ANK3: variants seen among roughly 807,000 people sequenced by gnomAD.
The protein encoded by ANK3 is ankyrin 3, also known as ankyrin-3.
In ANK3, 57 loss-of-function variants were observed where a neutral mutation model predicts 370.9. That is an observed-to-expected ratio of 0.15 (90% CI 0.12 to 0.19). The LOEUF is 0.19. ANK3 is among the 10% of genes least tolerant of loss of function. The probability of loss-of-function intolerance (pLI) is 1.00; values close to 1 mark genes in which losing one functional copy is unlikely to be tolerated. For synonymous variants in ANK3, 1,929 were observed against 1,946.3 expected (o/e 0.99, Z 0.23); for missense variants, 4,439 against 5,302.1 (o/e 0.84, Z 5.06).
intron 11 of ANK3, among the ~76,000 whole-genome samples, chr10:60,204,296 G>C (rs942140775): frequency 6.6e-6 from 1 of 152,152 alleles, no homozygotes; most frequent in Non-Finnish European, 1.5e-5. Flanking sequence ...AGCTCTTAGG[G>C]AACAGAGAGC....
intron 1 of ANK3, among the ~76,000 whole-genome samples, chr10:60,307,264 A>G (rs1339879543): frequency 6.6e-6 from 1 of 152,168 alleles, no homozygotes; most frequent in Non-Finnish European, 1.5e-5. Context: ...CTTTTCAGAG[A>G]AAGTTTTCTG....
Position 60,082,418 on chromosome 10 carries a change from A to C in ANK3, c.4323+197T>G. ...GCTACCAGCAGAAGCAAAAGCGATAAACAGAGAAGACTCCATCATACAAAC... is the reference window on the plus strand; with the variant it reads ...GCTACCAGCAGAAGCAAAAGCGATACACAGAGAAGACTCCATCATACAAAC... On this transcript the variant is annotated intron_variant, in intron 34 of 43. Transcript: ENST00000280772. The C allele has an allele frequency of 3.9e-6, 3 of 776,546 alleles. No individual in the cohort carries two copies. The Middle Eastern group carries it at 7.8e-4, about 201-fold the overall frequency. The allele number at this position is 776,546 out of a possible 1,614,324, so 48.1% of individuals were successfully genotyped here. A position where few individuals can be genotyped will look rare whatever the true frequency, so the allele number is the denominator to read the frequency against.
rs150577592 is a variant in ANK3 at position 60,321,935 on chromosome 10, G to A, written c.115-42296C>T. On this transcript the variant is annotated intron_variant, in intron 1 of 43. Transcript: ENST00000280772. ...TCTGAGCACACAGAACTCTTGCGGT[G>A]GGGGGTGCGAGCTGGCAGAATCCAT... 4.4e-4 allele frequency among the ~76,000 whole-genome samples: 67 copies of A among 152,198 alleles called. 1 individual carries two copies. The South Asian group carries it at 7.7e-3, about 17-fold the overall frequency.
chr10:60,168,941 A>G (rs1020696306), intron 21 of ANK3, among the ~76,000 whole-genome samples: 2 of 152,218 alleles, frequency 1.3e-5, no homozygotes, highest in Non-Finnish European at 2.9e-5. Flanking sequence ...TATCCAGTCT[A>G]TCATTGATGG....
chr10:60,491,747 T>C (rs962655581), intron 2 of ANK3, among the ~76,000 whole-genome samples: 2 of 152,210 alleles, frequency 1.3e-5, no homozygotes, highest in African/African-American at 2.4e-5. Context: ...TTAAGAGTAC[T>C]GATCTAGGAG....
At chr10:60,665,219 T>G (rs1474530180) in intron 1 of ANK3, among the ~76,000 whole-genome samples, 1 of 152,192 alleles carries the variant, frequency 6.6e-6, no homozygotes, top group African/African-American at 2.4e-5. Flanking sequence ...AAATTTATTT[T>G]TAAGCATATT....
chr10:60,403,950 G>T lies in ANK3; in HGVS notation c.97-124311C>A, dbSNP rs1005955728. Among the ~76,000 whole-genome samples, 15 of 152,164 alleles carry T rather than the reference G, an allele frequency of 9.9e-5. No homozygotes were observed. In the South Asian group the frequency reaches 3.1e-3, roughly 32 times the overall value. On this transcript the variant is annotated intron_variant, in intron 2 of 43. Coordinates refer to the ANK3 transcript ENST00000373827. ...GAAATCAGCTGTATTTTGTATGATG[G>T]CTGCAAATGATTGGAAAATCGAATT...
intron 2 of ANK3, among the ~76,000 whole-genome samples, chr10:60,490,185 A>T (rs1461786830): frequency 6.6e-6 from 1 of 152,162 alleles, no homozygotes; most frequent in East Asian, 1.9e-4. Context: ...TATTCAAAGC[A>T]TGAATGTCTC....
intron 1 of ANK3, among the ~76,000 whole-genome samples, chr10:60,632,357 A>G (rs941377392): frequency 1.3e-5 from 2 of 152,202 alleles, no homozygotes; most frequent in African/African-American, 4.8e-5. Flanking sequence ...TTATAGCTCA[A>G]AACATTTGCT....
chr10:60,108,128 A>C (rs746537257), intron 27 of ANK3: 16 of 401,280 alleles, frequency 4.0e-5, no homozygotes, highest in Non-Finnish European at 7.8e-5. Flanking sequence ...GACAGAAAAA[A>C]ATTGAAAATG....
chr10:60,172,532 G>T, intron 20 of ANK3, 129 bp from the exon 21 acceptor site: 1 of 747,268 alleles, frequency 1.3e-6, no homozygotes. Context: ...TGTTTCATTA[G>T]AGACATACCT....
rs1294258802 is a variant in ANK3 at position 60,416,508 on chromosome 10, C to CATT, written c.97-136870_97-136869insAAT. Among the ~76,000 whole-genome samples, 4 of 152,080 alleles carry CATT rather than the reference C, an allele frequency of 2.6e-5. No individual in the cohort carries two copies. In the East Asian group the frequency reaches 7.7e-4, roughly 29 times the overall value. ...AATATGATTTCATTTATATGAAGTT[C>CATT]TAAAGTGACAAAATTCAGTATCTGT... is the stretch of plus-strand genomic sequence containing the variant. On this transcript the variant is annotated intron_variant, in intron 2 of 43. Coordinates refer to the ANK3 transcript ENST00000373827.
intron 1 of ANK3, among the ~76,000 whole-genome samples, chr10:60,717,653 A>C (rs2079808755): frequency 6.6e-6 from 1 of 152,196 alleles, no homozygotes; most frequent in Non-Finnish European, 1.5e-5. Flanking sequence ...ATTTTCCTTA[A>C]AAGAAACTGA....
intron 25 of ANK3, among the ~76,000 whole-genome samples, chr10:60,128,080 T>C (rs766729613): frequency 6.6e-6 from 1 of 152,168 alleles, no homozygotes; most frequent in Non-Finnish European, 1.5e-5. Flanking sequence ...TTTATTAGGA[T>C]TAGAAATAAA....
Position 60,055,697 on chromosome 10 carries a change from G to T in ANK3, c.13026C>A (p.Ser4342Arg), listed in dbSNP as rs148498212. 8.7e-5 allele frequency: 141 copies of T among 1,613,962 alleles called. No homozygotes were observed. In the African/African-American group the frequency reaches 1.5e-3, roughly 18 times the overall value. Residue 4342 changes from serine to arginine, a missense_variant, in exon 42 of 44, where the codon AGC becomes AGA. This residue lies in a region of ANK3 where 242 missense variants were observed against 228.0 expected (regional missense o/e 1.06). Coordinates refer to ENST00000280772, the MANE Select transcript of ANK3 (RefSeq NM_020987.5). ...TSPADGKPRL[S>R]LHEEEGSSGS... ...CACTGGACCCCTCTTCTTCATGGAG[G>T]CTAAGCCTTGGCTTGCCATCTGCTG...
chr10:60,363,283 C>T (rs566918860), intron 1 of ANK3, among the ~76,000 whole-genome samples: 6 of 152,250 alleles, frequency 3.9e-5, no homozygotes, highest in South Asian at 2.1e-4. Flanking sequence ...CATCACTAAA[C>T]CGAAATAGCA....
chr10:60,699,755 T>A (rs2133415911), intron 1 of ANK3, among the ~76,000 whole-genome samples: 1 of 152,292 alleles, frequency 6.6e-6, no homozygotes, highest in Non-Finnish European at 1.5e-5. Flanking sequence ...GTTCATATAT[T>A]GTTTAATGAT....
intron 1 of ANK3, among the ~76,000 whole-genome samples, chr10:60,635,602 A>T (rs2078543395): frequency 6.6e-6 from 1 of 152,170 alleles, no homozygotes; most frequent in African/African-American, 2.4e-5. Flanking sequence ...CCAAACTATG[A>T]GGAGGTATTT....
At chr10:60,299,592 A>C (rs2043258171) in intron 1 of ANK3, among the ~76,000 whole-genome samples, 1 of 152,150 alleles carries the variant, frequency 6.6e-6, no homozygotes, top group Non-Finnish European at 1.5e-5. Context: ...TCACATGACC[A>C]TTTTCAACCA....
Sources: gnomAD v4.1 joint callset for allele counts (sites outside exome capture counted in the v4.1 genomes callset) on GRCh38, gnomAD v4.1.1 for gene constraint, gnomAD v4.1.1 regional missense constraint, MANE v1.5 for transcripts, NCBI Gene and HGNC (gene_info 2026-07-23, HGNC 2026-07-21) for gene names.